The following CWH43 variants were observed in gnomAD, a reference collection of about 807,000 sequenced individuals.
CWH43 encodes cell wall biogenesis 43 C-terminal homolog.
CWH43 carries 91 observed loss-of-function variants against 85.7 expected under a neutral mutation model. The observed-to-expected ratio is 1.06, with a 90% CI of 0.90 to 1.26. The LOEUF is 1.26. Ranked by LOEUF, CWH43 falls within the 50% of genes most tolerant of loss-of-function variation. The probability of loss-of-function intolerance (pLI) is 0.00; values close to 1 mark genes in which losing one functional copy is unlikely to be tolerated. For synonymous variants in CWH43, 323 were observed against 293.6 expected, an observed-to-expected ratio of 1.10 and a Z score of -1.02; for missense variants, 869 against 839.2, an observed-to-expected ratio of 1.04 and a Z score of -0.44.
intron 13 of CWH43, among the ~76,000 whole-genome samples, chr4:49,039,306 G>GAGATATATATATATATATATATATAT (rs1553916914): frequency 2.6e-3 from 12 of 4,600 alleles, no homozygotes; most frequent in African/African-American, 5.1e-3. Context: ...TCAGGAGACT[G>GAGATATATATATATATATATATATAT]ATATATATAT....
chr4:49,055,194 T>C (rs1486302042), intron 15 of CWH43, among the ~76,000 whole-genome samples: 2 of 152,330 alleles, frequency 1.3e-5, no homozygotes, highest in African/African-American at 4.8e-5. Flanking sequence ...ATGCCTAATT[T>C]GTTGAGAGTT....
intron 2 of CWH43, among the ~76,000 whole-genome samples, chr4:48,989,780 GA>G (rs1782600752): frequency 6.6e-6 from 1 of 152,206 alleles, no homozygotes; most frequent in Non-Finnish European, 1.5e-5. Flanking sequence ...AAAAACTCCT[GA>G]AAAGTGTGCC....
chr4:49,015,386 T>G (rs1164024487), intron 8 of CWH43, among the ~76,000 whole-genome samples: 1 of 152,128 alleles, frequency 6.6e-6, no homozygotes, highest in Non-Finnish European at 1.5e-5. Flanking sequence ...ATTATTCTCC[T>G]GTCTTCTGCT....
chr4:49,050,725 C>G lies in CWH43; in HGVS notation c.1897C>G (p.Leu633Val), dbSNP rs745393347. 6.2e-7 allele frequency: 1 copy of G among 1,613,108 alleles called. No individual in the cohort carries two copies. The highest frequency in any genetic ancestry group is 8.5e-7 in the Non-Finnish European group (1 of 1,179,312). The change falls in exon 15 of 16, where the codon CTG (leucine) becomes GTG (valine). Residue 633 changes from leucine (L) to valine (V), a missense_variant. Coordinates refer to ENST00000226432, the MANE Select transcript of CWH43 (RefSeq NM_025087.3). ...LGYARISHAE[L>V]SDSEIQMAKF... is the part of the protein sequence containing the mutation. ...TTATGCAAGAATCTCCCATGCTGAA[C>G]TGAGTGATTCAGAAATTCAGATGGC... is the stretch of plus-strand genomic sequence containing the variant.
At chr4:49,032,466 T>C in intron 11 of CWH43, 100 bp from the exon 12 acceptor site, 1 of 1,333,958 alleles carries the variant, frequency 7.5e-7, no homozygotes, top group South Asian at 1.3e-5. Context: ...GTGGGATGTG[T>C]GCAGTGGGAC....
chr4:48,994,138 A>G (rs1782739692), intron 4 of CWH43, among the ~76,000 whole-genome samples: 1 of 152,200 alleles, frequency 6.6e-6, no homozygotes, highest in Non-Finnish European at 1.5e-5. Context: ...GAGTTAATAT[A>G]AAGTTAATAT....
intron 9 of CWH43, 42 bp downstream of exon 9, chr4:49,017,370 A>G: frequency 7.7e-7 from 1 of 1,298,392 alleles, no homozygotes; most frequent in South Asian, 1.3e-5. Context: ...TATATGGTAT[A>G]TATATGTGCA....
intron 8 of CWH43, among the ~76,000 whole-genome samples, chr4:49,011,516 C>T (rs930977210): frequency 1.3e-5 from 2 of 152,128 alleles, no homozygotes; most frequent in African/African-American, 4.8e-5. Flanking sequence ...ATGATGTTAG[C>T]TGGTTATTCG....
rs1784766829 is a variant in CWH43, at chr4:49,050,747, T to A, written c.1919T>A (p.Met640Lys). 1.9e-6 allele frequency: 3 copies of A among 1,613,082 alleles called. No homozygotes were observed. Among genetic ancestry groups the A allele is most frequent in the Admixed American group, 1.7e-5 (1 of 59,962 alleles). Residue 640 changes from methionine (M) to lysine (K), a missense_variant, in exon 15 of 16, where the codon ATG (methionine) becomes AAG (lysine). By Grantham distance (95) the Met-to-Lys change is moderately conservative. Transcript: ENST00000226432. ...GAACTGAGTGATTCAGAAATTCAGA[T>A]GGCAAAATTTAGGATCCCTGATGAC... Reference protein sequence around the residue: ...HAELSDSEIQMAKFRIPDDPT... With the variant: ...HAELSDSEIQKAKFRIPDDPT...
At chr4:49,029,337 C>T (rs1428326388) in intron 10 of CWH43, among the ~76,000 whole-genome samples, 1 of 152,132 alleles carries the variant, frequency 6.6e-6, no homozygotes, top group East Asian at 1.9e-4. Context: ...AGGCATTATG[C>T]TTGGTAAAAG....
intron 1 of CWH43, chr4:48,986,701 C>T: frequency 2.2e-6 from 3 of 1,352,068 alleles, no homozygotes; most frequent in South Asian, 1.8e-5. Flanking sequence ...CGCGAGAGAC[C>T]CCGTCGCCCG....
chr4:48,991,691 T>A, intron 3 of CWH43, 117 bp downstream of exon 3: 3 of 1,251,582 alleles, frequency 2.4e-6, no homozygotes, highest in Non-Finnish European at 3.3e-6. Flanking sequence ...TTTGTCAAAG[T>A]CTCCTTTTTT....
chr4:48,991,958 A>G lies in CWH43; in HGVS notation c.379A>G (p.Ile127Val). ...CAGGTACCTCAGAATTTGGGGATTC[A>G]TTTTAGGACAGATTGTTCTTGTTGT... The part of the protein sequence containing the change: ...LQRYLRIWGF[I>V]LGQIVLVVLR... The change falls in exon 4 of 16, where the codon ATT becomes GTT. Residue 127 changes from isoleucine (I) to valine (V), a missense_variant. This residue lies in a region of CWH43 where 152 missense variants were observed against 203.6 expected (regional missense o/e 0.75). Coordinates refer to ENST00000226432, the MANE Select transcript of CWH43 (RefSeq NM_025087.3). 1.9e-6 allele frequency: 3 copies of G among 1,613,068 alleles called. No homozygotes were observed. The highest frequency in any genetic ancestry group is 2.5e-6 in the Non-Finnish European group (3 of 1,179,474).
intron 14 of CWH43, among the ~76,000 whole-genome samples, chr4:49,049,531 A>C (rs1192682443): frequency 2.6e-5 from 4 of 151,780 alleles, no homozygotes; most frequent in Non-Finnish European, 5.9e-5. Context: ...AAAAAAAAAA[A>C]CAGCAACAAC....
Position 48,988,506 on chromosome 4 carries a change from C to T in CWH43, c.73C>T (p.Leu25=). 6.2e-7 allele frequency: 1 copy of T among 1,606,870 alleles called. No individual in the cohort carries two copies. The highest frequency in any genetic ancestry group is 1.1e-5 in the South Asian group (1 of 89,236). ...GCVSWSLYHD[L]GPMIYYFPLQ... The stretch of plus-strand genomic sequence containing the variant: ...TGTTTCTTGGTCTCTCTACCATGAC[C>T]TGGGACCGATGATCTATTACTTTCC... Residue 25 remains leucine, a synonymous_variant, in exon 2 of 16, where the codon CTG becomes TTG. Transcript: ENST00000226432.
intron 13 of CWH43, among the ~76,000 whole-genome samples, chr4:49,041,895 C>G (rs1784475373): frequency 6.6e-6 from 1 of 152,168 alleles, no homozygotes; most frequent in Non-Finnish European, 1.5e-5. Context: ...GAAATTTAGT[C>G]TAATGGCCAT....
chr4:49,051,170 CT>C (rs1784784933), intron 15 of CWH43, among the ~76,000 whole-genome samples: 1 of 152,158 alleles, frequency 6.6e-6, no homozygotes, highest in South Asian at 2.1e-4. Context: ...GTCCCAGACC[CT>C]GTTATAGGTG....
At chr4:49,032,991 C>A (rs1474636078) in intron 12 of CWH43, among the ~76,000 whole-genome samples, 1 of 152,088 alleles carries the variant, frequency 6.6e-6, no homozygotes, top group Non-Finnish European at 1.5e-5. Flanking sequence ...ACTGTGTTTG[C>A]TCTTCACTCT....
At chr4:48,986,607 A>G (rs1330912219) in intron 1 of CWH43, 135 bp downstream of exon 1, 2 of 1,481,324 alleles carry the variant, frequency 1.4e-6, no homozygotes, top group East Asian at 2.6e-5. Context: ...GGAGATGCTT[A>G]TCGTCCCCTG....
Sources: allele counts gnomAD v4.1 joint callset (sites outside exome capture counted in the v4.1 genomes callset), GRCh38; gene constraint gnomAD v4.1.1; regional missense constraint gnomAD v4.1.1; transcripts MANE v1.5; gene names NCBI Gene and HGNC (gene_info 2026-07-23, HGNC 2026-07-21).